The following TACC2 variants were observed in gnomAD, a reference collection of about 807,000 sequenced individuals.
TACC2 encodes the protein transforming acidic coiled-coil containing protein 2.
A neutral mutation model predicts 227.3 loss-of-function variants in TACC2; 137 were observed. The ratio of observed to expected loss-of-function variants is 0.60; its 90% CI spans 0.52 to 0.69. The LOEUF (loss-of-function observed/expected upper bound fraction) is 0.69. Among genes scored for constraint, TACC2 ranks in the 30% least tolerant of loss-of-function variants. The probability of loss-of-function intolerance (pLI) is 0.00; values close to 1 mark genes in which losing one functional copy is unlikely to be tolerated. For missense variants in TACC2, 3,470 were observed against 3,694.4 expected (o/e 0.94, Z 1.57); for synonymous variants, 1,523 against 1,487.5 (o/e 1.02, Z -0.55).
chr10:122,157,658 T>C (rs957255737), intron 7 of TACC2, among the ~76,000 whole-genome samples: 2 of 152,194 alleles, frequency 1.3e-5, no homozygotes, highest in Non-Finnish European at 2.9e-5. Flanking sequence ...CTTCCACGCT[T>C]ACCTCACTCC....
intron 10 of TACC2, among the ~76,000 whole-genome samples, 179 bp downstream of exon 10, chr10:122,215,630 G>A (rs1239470621): frequency 2.6e-5 from 4 of 151,954 alleles, no homozygotes; most frequent in African/African-American, 9.7e-5. Context: ...TTCACTTTGC[G>A]GAAGATCAGA....
chr10:122,025,673 A>G (rs1164311112), intron 2 of TACC2, among the ~76,000 whole-genome samples: 3 of 150,700 alleles, frequency 2.0e-5, no homozygotes, highest in African/African-American at 7.3e-5. Context: ...TCCCAGGTTC[A>G]TGCCATTCTC....
At chr10:122,242,400 A>C (rs1325134163) in intron 19 of TACC2, among the ~76,000 whole-genome samples, 1 of 152,204 alleles carries the variant, frequency 6.6e-6, no homozygotes, top group Non-Finnish European at 1.5e-5. Flanking sequence ...ATGACACCTC[A>C]GCCTTTCCAC....
chr10:122,240,377 T>G (rs1266341462), intron 18 of TACC2, among the ~76,000 whole-genome samples: 1 of 152,208 alleles, frequency 6.6e-6, no homozygotes, highest in Non-Finnish European at 1.5e-5. Flanking sequence ...GCTCATCTCA[T>G]GGTTACCTTT....
At chr10:122,199,690 T>C (rs1167699995) in intron 8 of TACC2, among the ~76,000 whole-genome samples, 3 of 152,178 alleles carry the variant, frequency 2.0e-5, no homozygotes, top group Non-Finnish European at 4.4e-5. Context: ...CACACTGTCT[T>C]AGGTCTGATC....
intron 5 of TACC2, 105 bp downstream of exon 5, chr10:122,088,696 T>C: frequency 1.9e-6 from 3 of 1,549,138 alleles, no homozygotes; most frequent in South Asian, 2.4e-5. Context: ...CATGAGTTCC[T>C]ACATAAGAAA....
intron 5 of TACC2, among the ~76,000 whole-genome samples, chr10:122,091,149 T>C (rs2080768949): frequency 6.6e-6 from 1 of 152,182 alleles, no homozygotes; most frequent in Admixed American, 6.5e-5. Context: ...CTGAGACTTT[T>C]GTACTCTCTA....
intron 11 of TACC2, among the ~76,000 whole-genome samples, chr10:122,220,813 A>G (rs1255536900): frequency 6.6e-6 from 1 of 152,172 alleles, no homozygotes; most frequent in Non-Finnish European, 1.5e-5. Context: ...TCATGATTTC[A>G]TTTCATCCTC....
At chr10:122,008,246 GTTA>G (rs1554958021) in intron 1 of TACC2, among the ~76,000 whole-genome samples, 1 of 111,848 alleles carries the variant, frequency 8.9e-6, no homozygotes. Context: ...CTATCCCTTT[GTTA>G]TTATTATTAT....
chr10:122,140,429 C>T (rs573556799), intron 6 of TACC2, among the ~76,000 whole-genome samples: 2 of 152,360 alleles, frequency 1.3e-5, no homozygotes, highest in South Asian at 4.1e-4. Flanking sequence ...TTGAATTCAG[C>T]TTCTTCGTTA....
chr10:122,136,303 T>C (rs368816339), intron 6 of TACC2, among the ~76,000 whole-genome samples: 3 of 152,156 alleles, frequency 2.0e-5, no homozygotes, highest in South Asian at 2.1e-4. Context: ...TAGTGTGCAG[T>C]GGCGATTTAA....
intron 5 of TACC2, among the ~76,000 whole-genome samples, chr10:122,105,950 G>C (rs879776165): frequency 0.25 from 37,270 of 147,072 alleles, 5,088 homozygotes; most frequent in Middle Eastern, 0.32. Context: ...CTCTCTGTGT[G>C]TGTGTGTGTG....
In TACC2 at chr10:122,087,965, T is replaced by G; in HGVS notation, c.5459+6T>G. 1 of 1,495,462 alleles carries G rather than the reference T, an allele frequency of 6.7e-7. No homozygotes were observed. The highest frequency in any genetic ancestry group is 8.9e-7 in the Non-Finnish European group (1 of 1,123,416). 92.6% of individuals were successfully genotyped at this position (1,495,462 alleles called of 1,614,324 possible). On this transcript the variant is annotated splice_donor_region_variant and intron_variant, in intron 4 of 22. Transcript: ENST00000369005. ...GAAGAGCTCCACACTGACAGGTACT[T>G]AAATGAAAAAATTCCCACGGGAATG...
chr10:122,015,271 G>A (rs1178256992), intron 1 of TACC2, among the ~76,000 whole-genome samples: 2 of 152,088 alleles, frequency 1.3e-5, no homozygotes, highest in African/African-American at 2.4e-5. Flanking sequence ...TTAGGAGGCC[G>A]AGGTGGGGGG....
intron 7 of TACC2, among the ~76,000 whole-genome samples, chr10:122,164,583 C>T (rs1411096162): frequency 6.6e-6 from 1 of 152,216 alleles, no homozygotes; most frequent in African/African-American, 2.4e-5. Context: ...TCCAGGAATC[C>T]GATCTTTTCT....
chr10:122,183,176 G>C (rs1459284247), intron 7 of TACC2, among the ~76,000 whole-genome samples: 1 of 151,736 alleles, frequency 6.6e-6, no homozygotes, highest in South Asian at 2.1e-4. Flanking sequence ...CTGCACTCCA[G>C]CCTGGGTAAC....
chr10:122,169,573 T>A (rs557769414), intron 7 of TACC2, among the ~76,000 whole-genome samples: 4 of 152,188 alleles, frequency 2.6e-5, no homozygotes, highest in African/African-American at 4.8e-5. Flanking sequence ...CAGGTTGTAG[T>A]TTGCTGATTC....
intron 5 of TACC2, among the ~76,000 whole-genome samples, chr10:122,130,751 T>C (rs2087897438): frequency 6.6e-6 from 1 of 152,220 alleles, no homozygotes; most frequent in Non-Finnish European, 1.5e-5. Context: ...CTGTAAAGTG[T>C]GTTTAATAAT....
intron 18 of TACC2, among the ~76,000 whole-genome samples, chr10:122,238,363 A>G (rs2095902838): frequency 6.6e-6 from 1 of 152,210 alleles, no homozygotes. Context: ...CTCATCACAA[A>G]TGTAACAATG....
Sources: gnomAD v4.1 joint callset for allele counts (sites outside exome capture counted in the v4.1 genomes callset) on GRCh38, gnomAD v4.1.1 for gene constraint, MANE v1.5 for transcripts, NCBI Gene and HGNC (gene_info 2026-07-23, HGNC 2026-07-21) for gene names.